AGBL1: variants seen among roughly 807,000 people sequenced by gnomAD.
AGBL1 encodes cytosolic carboxypeptidase 4.
A neutral mutation model predicts 118.9 loss-of-function variants in AGBL1; 130 were observed. The observed-to-expected ratio is 1.09, with a 90% CI of 0.95 to 1.26. AGBL1 has a LOEUF of 1.26. AGBL1 is among the 50% of genes most tolerant of loss of function. The pLI is 0.00. For missense variants in AGBL1, 1,584 were observed against 1,298.1 expected, an observed-to-expected ratio of 1.22 and a Z score of -3.38; for synonymous variants, 555 against 478.9, an observed-to-expected ratio of 1.16 and a Z score of -2.08.
chr15:86,715,546 G>T (rs1190362456), intron 22 of AGBL1, among the ~76,000 whole-genome samples: 1 of 152,114 alleles, frequency 6.6e-6, no homozygotes, highest in Admixed American at 6.5e-5. Flanking sequence ...AATAGTTACT[G>T]ATTGATGTGG....
At chr15:86,737,443 G>A (rs72763995) in intron 22 of AGBL1, among the ~76,000 whole-genome samples, 342 of 152,190 alleles carry the variant, frequency 2.2e-3, no homozygotes, top group Non-Finnish European at 3.8e-3. Flanking sequence ...AGTTTGTTTC[G>A]TTTTCTTTTA....
rs1475140005 is a variant in AGBL1 at position 86,310,701 on chromosome 15, C to T, written c.2374+15293C>T. Among the ~76,000 whole-genome samples, 6 of 152,118 alleles carry T rather than the reference C, an allele frequency of 3.9e-5. No individual in the cohort carries two copies. In the East Asian group the frequency reaches 7.8e-4, roughly 20 times the overall value. The stretch of plus-strand genomic sequence containing the variant: ...CCATGGGTCCACTGAGGCATGGAGC[C>T]GTGGGGGCCAGCCTAGAGCCTGGGG... On this transcript the variant is annotated intron_variant, in intron 17 of 22. Coordinates refer to ENST00000614907, the MANE Select transcript of AGBL1 (RefSeq NM_001386094.1).
intron 21 of AGBL1, among the ~76,000 whole-genome samples, chr15:86,567,988 C>G (rs925679238): frequency 9.9e-5 from 15 of 152,072 alleles, no homozygotes; most frequent in African/African-American, 3.6e-4. Context: ...TCTCTTGCTT[C>G]TGATCTTCTT....
chr15:86,433,695 G>A (rs1479111332), intron 18 of AGBL1, among the ~76,000 whole-genome samples: 1 of 152,128 alleles, frequency 6.6e-6, no homozygotes, highest in Admixed American at 6.5e-5. Context: ...AGCTTCCAGT[G>A]TCTACTCCCA....
intron 17 of AGBL1, among the ~76,000 whole-genome samples, chr15:86,351,517 T>C (rs936502082): frequency 2.0e-5 from 3 of 152,178 alleles, no homozygotes; most frequent in African/African-American, 7.2e-5. Context: ...AACTAATTTG[T>C]TAACTCTTGA....
chr15:86,783,458 C>T (rs1028254217), intron 22 of AGBL1, among the ~76,000 whole-genome samples: 2 of 152,184 alleles, frequency 1.3e-5, no homozygotes, highest in African/African-American at 4.8e-5. Flanking sequence ...TTCTTCACAG[C>T]ACAAGAACAG....
chr15:86,432,810 G>A (rs1484901169), intron 18 of AGBL1, among the ~76,000 whole-genome samples: 1 of 152,186 alleles, frequency 6.6e-6, no homozygotes, highest in African/African-American at 2.4e-5. Flanking sequence ...AAAATTGAAA[G>A]AGGTTTTTTT....
intron 1 of AGBL1, among the ~76,000 whole-genome samples, chr15:86,098,029 A>G (rs890151074): frequency 6.6e-6 from 1 of 152,196 alleles, no homozygotes; most frequent in African/African-American, 2.4e-5. Flanking sequence ...GTAAGATATT[A>G]TCTCAGTGTA....
intron 17 of AGBL1, among the ~76,000 whole-genome samples, chr15:86,368,829 T>C (rs2080929102): frequency 6.6e-6 from 1 of 152,212 alleles, no homozygotes; most frequent in Admixed American, 6.5e-5. Context: ...GATTTGTCTT[T>C]CAAAAGTGTA....
chr15:86,714,493 T>G (rs1056557194), intron 22 of AGBL1, among the ~76,000 whole-genome samples: 5 of 152,190 alleles, frequency 3.3e-5, no homozygotes, highest in African/African-American at 1.2e-4. Context: ...GCCATGTGTG[T>G]GTGCAGATAA....
chr15:86,427,026 A>C (rs1190524972), intron 18 of AGBL1, among the ~76,000 whole-genome samples: 1 of 152,164 alleles, frequency 6.6e-6, no homozygotes, highest in Non-Finnish European at 1.5e-5. Context: ...TCGGCCTCCG[A>C]AAGTGCTGAG....
At chr15:86,723,651 A>G (rs1401808409) in intron 22 of AGBL1, among the ~76,000 whole-genome samples, 1 of 152,182 alleles carries the variant, frequency 6.6e-6, no homozygotes. Context: ...AACTTAAAGT[A>G]TAATAATAAA....
intron 19 of AGBL1, among the ~76,000 whole-genome samples, chr15:86,524,137 T>C (rs1567039360): frequency 6.6e-6 from 1 of 152,224 alleles, no homozygotes; most frequent in Non-Finnish European, 1.5e-5. Context: ...TCAAAAGAGA[T>C]GAACAAGTAA....
chr15:86,490,947 A>C (rs2082770116), intron 18 of AGBL1, among the ~76,000 whole-genome samples: 1 of 152,126 alleles, frequency 6.6e-6, no homozygotes, highest in African/African-American at 2.4e-5. Context: ...AGCCTCACTA[A>C]ATTCACTTCT....
intron 22 of AGBL1, among the ~76,000 whole-genome samples, chr15:86,720,699 G>A (rs1276676937): frequency 1.3e-5 from 2 of 152,088 alleles, no homozygotes; most frequent in Non-Finnish European, 2.9e-5. Flanking sequence ...GTATACCGAT[G>A]GGCCATGGGA....
intron 21 of AGBL1, among the ~76,000 whole-genome samples, chr15:86,584,078 A>G (rs1467212880): frequency 6.6e-6 from 1 of 151,946 alleles, no homozygotes. Flanking sequence ...TAAATTCTGG[A>G]TATTAGACCT....
chr15:87,024,428 GA>G (rs1281443647), intron 24 of AGBL1, among the ~76,000 whole-genome samples: 1 of 151,896 alleles, frequency 6.6e-6, no homozygotes, highest in Non-Finnish European at 1.5e-5. Flanking sequence ...CATAACTCAG[GA>G]AAAATTAGAT....
At chr15:86,758,387 G>C (rs1435709642) in intron 22 of AGBL1, among the ~76,000 whole-genome samples, 1 of 152,030 alleles carries the variant, frequency 6.6e-6, no homozygotes, top group African/African-American at 2.4e-5. Flanking sequence ...CCCTAGAGTA[G>C]TTTGGGCTAT....
chr15:86,677,956 G>A (rs1050449430), intron 22 of AGBL1, among the ~76,000 whole-genome samples: 15 of 152,094 alleles, frequency 9.9e-5, no homozygotes, highest in Admixed American at 2.6e-4. Flanking sequence ...GCATTATGGC[G>A]AAATATCCTA....
Sources: allele counts gnomAD v4.1 joint callset (sites outside exome capture counted in the v4.1 genomes callset), GRCh38; gene constraint gnomAD v4.1.1; transcripts MANE v1.5; gene names NCBI Gene and HGNC (gene_info 2026-07-23, HGNC 2026-07-21).